The following SRPK2 variants were observed in gnomAD, a reference collection of about 807,000 sequenced individuals.
The protein encoded by SRPK2 is SFRS protein kinase 2.
In SRPK2, 21 loss-of-function variants were observed where a neutral mutation model predicts 90.8. The observed-to-expected ratio is 0.23, with a 90% confidence interval of 0.16 to 0.33. SRPK2 has a LOEUF of 0.33. Among genes scored for constraint, SRPK2 ranks in the 10% least tolerant of loss-of-function variants. The pLI, the probability that SRPK2 is intolerant of heterozygous loss-of-function variation, is 1.00. For synonymous variants in SRPK2, 288 were observed against 311.1 expected, an observed-to-expected ratio of 0.93 and a Z score of 0.78; for missense variants, 620 against 869.0, an observed-to-expected ratio of 0.71 and a Z score of 3.60.
At position 105,159,466 on chromosome 7, in the gene SRPK2, A is replaced by AAAAAAAAAAAAAAC. The variant is rs1316365933; in HGVS notation, c.621+1040_621+1041insGTTTTTTTTTTTTT. ...CCGTCTCCAAAAAAAAAAAAAAAAA[A>AAAAAAAAAAAAAAC]AAAAAAACCGTACAAAAGGAAGAAG... On this transcript the variant is annotated intron_variant, in intron 7 of 15. Transcript: ENST00000393651. Among the ~76,000 whole-genome samples the AAAAAAAAAAAAAAC allele has an allele frequency of 5.2e-5, 6 of 114,314 alleles. 1 individual carries two copies. Among genetic ancestry groups the AAAAAAAAAAAAAAC allele is most frequent in the Admixed American group, 1.0e-4 (1 of 9,636 alleles). The allele number at this position is 114,314 out of a possible 152,430, so 75.0% of individuals were successfully genotyped here. A position where few individuals can be genotyped will look rare whatever the true frequency, so the allele number is the denominator to read the frequency against.
intron 7 of SRPK2, among the ~76,000 whole-genome samples, chr7:105,148,731 C>T (rs1805036129): frequency 6.6e-6 from 1 of 152,176 alleles, no homozygotes; most frequent in South Asian, 2.1e-4. Flanking sequence ...GTACTTTAAA[C>T]AACTGCTTTG....
At chr7:105,289,705 G>C in intron 2 of SRPK2, among the ~76,000 whole-genome samples, 1 of 152,116 alleles carries the variant, frequency 6.6e-6, no homozygotes, top group East Asian at 1.9e-4. Context: ...CTTATCATTT[G>C]TGTTCACTGA....
chr7:105,125,966 A>C (rs1801141122), intron 15 of SRPK2: 1 of 715,128 alleles, frequency 1.4e-6, no homozygotes. Context: ...GCGCAGACAG[A>C]AACAGAGCGC....
At chr7:105,281,916 C>T (rs998435985) in intron 2 of SRPK2, among the ~76,000 whole-genome samples, 1 of 152,044 alleles carries the variant, frequency 6.6e-6, no homozygotes, top group African/African-American at 2.4e-5. Context: ...CATAATCCCC[C>T]GATAAAAATT....
At chr7:105,384,278 G>A (rs1821286954) in intron 2 of SRPK2, among the ~76,000 whole-genome samples, 1 of 152,180 alleles carries the variant, frequency 6.6e-6, no homozygotes, top group Non-Finnish European at 1.5e-5. Context: ...CGTTCTGCCT[G>A]TTACTCACAA....
intron 3 of SRPK2, among the ~76,000 whole-genome samples, chr7:105,175,203 C>T (rs764768521): frequency 2.0e-5 from 3 of 149,588 alleles, no homozygotes; most frequent in Admixed American, 6.7e-5. Flanking sequence ...CAGACCATAA[C>T]AGAATTAAAT....
intron 2 of SRPK2, among the ~76,000 whole-genome samples, chr7:105,287,259 T>TAAAAA (rs71520909): frequency 3.9e-4 from 23 of 58,838 alleles, no homozygotes; most frequent in African/African-American, 1.4e-3. Flanking sequence ...AGACTCCGTC[T>TAAAAA]AAAAAAAAAA....
chr7:105,210,327 T>C (rs1168187081), intron 2 of SRPK2, among the ~76,000 whole-genome samples: 3 of 152,316 alleles, frequency 2.0e-5, no homozygotes, highest in East Asian at 3.9e-4. Context: ...CAAATTTCAT[T>C]TTCTTTCCTC....
At chr7:105,225,158 G>C (rs761950737) in intron 2 of SRPK2, among the ~76,000 whole-genome samples, 6 of 151,208 alleles carry the variant, frequency 4.0e-5, no homozygotes, top group Non-Finnish European at 8.8e-5. Context: ...GCTTTTTTTA[G>C]AGACCCCCAT....
rs557791494 is a variant in SRPK2, at chr7:105,202,648, C to G, written c.229+980G>C. On this transcript the variant is annotated intron_variant, in intron 3 of 15. Transcript: ENST00000393651. ...TCTTGGTCTTTACAAAGCATCAATA[C>G]AAGAACACTCCACTTGAATAGTTTC... Among the ~76,000 whole-genome samples the G allele has an allele frequency of 5.9e-5, 9 of 152,320 alleles. No individual in the cohort carries two copies. In the East Asian group the frequency reaches 1.7e-3, roughly 29 times the overall value.
At chr7:105,270,260 C>T (rs556989286) in intron 2 of SRPK2, among the ~76,000 whole-genome samples, 3 of 152,268 alleles carry the variant, frequency 2.0e-5, no homozygotes, top group South Asian at 4.1e-4. Context: ...GAGCACAGCG[C>T]CTATAGCTGG....
rs551728694 is a variant in SRPK2, at chr7:105,125,974, C to T, written c.1915+274G>A. On this transcript the variant is annotated intron_variant, in intron 15 of 15. Transcript: ENST00000393651. ...ACCGCCCGCGCAGACAGAAACAGAGCGCAACTTGAATGACCAAAAGTACAG... is the reference window on the plus strand; with the variant it reads ...ACCGCCCGCGCAGACAGAAACAGAGTGCAACTTGAATGACCAAAAGTACAG... The T allele has an allele frequency of 7.3e-5, 51 of 698,480 alleles. 1 individual carries two copies. In the South Asian group the frequency reaches 8.4e-4, roughly 11 times the overall value. The allele number at this position is 698,480 out of a possible 1,614,324, so 43.3% of individuals were successfully genotyped here.
intron 2 of SRPK2, among the ~76,000 whole-genome samples, chr7:105,250,647 T>C (rs895871698): frequency 2.0e-5 from 3 of 152,176 alleles, no homozygotes; most frequent in African/African-American, 7.2e-5. Flanking sequence ...AAAAGTTAAC[T>C]TCAGTAGATC....
rs183285699 is a variant in SRPK2 at position 105,326,219 on chromosome 7, T to A, written c.71+62429A>T. Among the ~76,000 whole-genome samples, 209 of 152,332 alleles carry A rather than the reference T, an allele frequency of 1.4e-3. 2 individuals carry two copies. Among genetic ancestry groups the A allele is most frequent in the African/African-American group, 3.8e-3 (156 of 41,570 alleles). The stretch of plus-strand genomic sequence containing the variant: ...ACTAAGACCACCTGGCCAAGCCACA[T>A]TACAACCCACCAACTAGACTATTGC... On this transcript the variant is annotated intron_variant, in intron 2 of 15. Coordinates refer to ENST00000393651, the MANE Select transcript of SRPK2 (RefSeq NM_182692.3).
At chr7:105,114,912 A>G (rs1799541538), downstream of SRPK2, among the ~76,000 whole-genome samples, 2 of 152,244 alleles carry the variant, frequency 1.3e-5, no homozygotes, top group African/African-American at 2.4e-5. Flanking sequence ...TATGGTATTT[A>G]GTAAAGAAAC....
Position 105,385,198 on chromosome 7 carries a change from T to TTG in SRPK2, c.71+3449_71+3450insCA, listed in dbSNP as rs756321925. ...TTTTTTTTTTTTTTTTTTTTTTTTT[T>TTG]GAGATGGAGTCTCGCTCTGTCGCCC... On this transcript the variant is annotated intron_variant, in intron 2 of 15. Coordinates refer to ENST00000393651, the MANE Select transcript of SRPK2 (RefSeq NM_182692.3). Among the ~76,000 whole-genome samples the TTG allele has an allele frequency of 7.7e-3, 616 of 79,546 alleles. 87 individuals carry two copies. The highest frequency in any genetic ancestry group is 0.029 in the South Asian group (55 of 1,918). 52.2% of individuals were successfully genotyped at this position (79,546 alleles called of 152,430 possible). A position where few individuals can be genotyped will look rare whatever the true frequency, so the allele number is the denominator to read the frequency against.
chr7:105,308,778 C>T (rs1811400326), intron 2 of SRPK2, among the ~76,000 whole-genome samples: 1 of 152,174 alleles, frequency 6.6e-6, no homozygotes, highest in Non-Finnish European at 1.5e-5. Flanking sequence ...ATATTGTCAG[C>T]CACAGTATCA....
intron 2 of SRPK2, among the ~76,000 whole-genome samples, chr7:105,233,128 GAA>G (rs1253766648): frequency 9.4e-5 from 14 of 149,690 alleles, no homozygotes; most frequent in African/African-American, 3.4e-4. Context: ...AGGAAGGAAG[GAA>G]GGAAGGAAGG....
chr7:105,383,584 C>G (rs1821205133), intron 2 of SRPK2, among the ~76,000 whole-genome samples: 1 of 149,802 alleles, frequency 6.7e-6, no homozygotes, highest in Non-Finnish European at 1.5e-5. Context: ...CCATGCCAGG[C>G]AATTTTTGTA....
Sources: gnomAD v4.1 joint callset for allele counts (sites outside exome capture counted in the v4.1 genomes callset) on GRCh38, gnomAD v4.1.1 for gene constraint, MANE v1.5 for transcripts, NCBI Gene and HGNC (gene_info 2026-07-23, HGNC 2026-07-21) for gene names.